AUTS2: variants seen among roughly 807,000 people sequenced by gnomAD.
AUTS2 encodes activator of transcription and developmental regulator AUTS2.
AUTS2 carries 17 observed loss-of-function variants against 112.4 expected under a neutral mutation model. That is an observed-to-expected ratio of 0.15 (90% CI 0.10 to 0.23). The LOEUF (loss-of-function observed/expected upper bound fraction) is 0.23, where lower values mean the gene tolerates loss of function less well. Among genes scored for constraint, AUTS2 ranks in the 10% least tolerant of loss-of-function variants. AUTS2 has a pLI of 1.00. For synonymous variants in AUTS2, 751 were observed against 702.7 expected (o/e 1.07, Z -1.09); for missense variants, 1,510 against 1,701.6 (o/e 0.89, Z 1.98).
At chr7:70,113,129 A>C (rs188601285) in intron 2 of AUTS2, among the ~76,000 whole-genome samples, 196 of 152,308 alleles carry the variant, frequency 1.3e-3, no homozygotes, top group Admixed American at 3.7e-3. Flanking sequence ...CCTTGTGTCC[A>C]AAATTTGTTA....
chr7:69,710,119 A>G (rs1365861694), intron 1 of AUTS2, among the ~76,000 whole-genome samples: 2 of 152,198 alleles, frequency 1.3e-5, no homozygotes, highest in Non-Finnish European at 2.9e-5. Context: ...AAACAAAGCA[A>G]AATCAAATTA....
At chr7:69,984,406 CAAAAAAAA>C (rs34689325) in intron 2 of AUTS2, among the ~76,000 whole-genome samples, 1 of 80,612 alleles carries the variant, frequency 1.2e-5, no homozygotes, top group African/African-American at 4.8e-5. Context: ...GACTCTGTCT[CAAAAAAAA>C]AAAAAAAAAA....
chr7:69,815,223 G>A (rs765470807), intron 1 of AUTS2, among the ~76,000 whole-genome samples: 2 of 152,116 alleles, frequency 1.3e-5, no homozygotes, highest in Non-Finnish European at 2.9e-5. Context: ...AAGGGAATGG[G>A]TGTATTTCCC....
At chr7:70,153,222 A>G (rs1807542917) in intron 4 of AUTS2, among the ~76,000 whole-genome samples, 3 of 152,204 alleles carry the variant, frequency 2.0e-5, no homozygotes, top group Non-Finnish European at 4.4e-5. Context: ...ATACAACAGA[A>G]TACTACTTAG....
intron 5 of AUTS2, among the ~76,000 whole-genome samples, chr7:70,661,420 G>A (rs753935257): frequency 6.6e-6 from 1 of 152,156 alleles, no homozygotes; most frequent in Admixed American, 6.5e-5. Context: ...GTGAATAGTC[G>A]CTCCCTGTGG....
chr7:70,560,810 A>G (rs1368981449), intron 5 of AUTS2, among the ~76,000 whole-genome samples: 1 of 152,208 alleles, frequency 6.6e-6, no homozygotes, highest in Non-Finnish European at 1.5e-5. Flanking sequence ...TGAGGACTGA[A>G]ACAACGTGTA....
At chr7:70,530,898 T>C (rs1032031388) in intron 5 of AUTS2, among the ~76,000 whole-genome samples, 4 of 152,112 alleles carry the variant, frequency 2.6e-5, no homozygotes, top group African/African-American at 9.7e-5. Context: ...TTGTTCTTAT[T>C]ATCGTTGGGA....
intron 4 of AUTS2, among the ~76,000 whole-genome samples, chr7:70,161,080 ATC>A (rs1284241127): frequency 6.6e-6 from 1 of 152,082 alleles, no homozygotes; most frequent in Non-Finnish European, 1.5e-5. Flanking sequence ...CTTTAAATCT[ATC>A]TCTCTCTCTC....
intron 2 of AUTS2, among the ~76,000 whole-genome samples, chr7:69,954,364 C>T (rs1045141703): frequency 6.6e-6 from 1 of 152,158 alleles, no homozygotes; most frequent in East Asian, 1.9e-4. Flanking sequence ...TCACTGCAAC[C>T]TCAAACTCCT....
intron 2 of AUTS2, among the ~76,000 whole-genome samples, chr7:69,972,563 TC>T (rs1366046507): frequency 6.6e-6 from 1 of 152,126 alleles, no homozygotes; most frequent in Non-Finnish European, 1.5e-5. Flanking sequence ...TTTCCTTTTT[TC>T]CTAAAAGCTT....
At chr7:70,044,901 C>T (rs920649783) in intron 2 of AUTS2, among the ~76,000 whole-genome samples, 6 of 151,122 alleles carry the variant, frequency 4.0e-5, no homozygotes, top group African/African-American at 9.7e-5. Flanking sequence ...TTGACTTAAC[C>T]GGAGCATGTT....
At position 70,777,217 on chromosome 7, in the gene AUTS2, T is replaced by C. The variant is rs760234466; in HGVS notation, c.2004+43T>C. 9 of 1,553,062 alleles carry C rather than the reference T, an allele frequency of 5.8e-6. No homozygotes were observed. In the African/African-American group the frequency reaches 9.5e-5, roughly 16 times the overall value. On this transcript the variant is annotated intron_variant, in intron 14 of 18. Transcript: ENST00000342771. ...GGTGTAGGGAAGAATGGGATGCACA[T>C]GTGAGTGTGTGACGTGCTCGGGAGA...
intron 2 of AUTS2, among the ~76,000 whole-genome samples, chr7:69,914,297 T>A (rs1028415554): frequency 2.0e-5 from 3 of 150,214 alleles, no homozygotes; most frequent in Admixed American, 6.7e-5. Flanking sequence ...TCCTGTTACA[T>A]TCCAACTTTA....
chr7:69,639,260 A>G (rs1794694525), intron 1 of AUTS2, among the ~76,000 whole-genome samples: 1 of 152,194 alleles, frequency 6.6e-6, no homozygotes, highest in Non-Finnish European at 1.5e-5. Context: ...TATCTATTTT[A>G]TGTCCTGTAA....
At chr7:70,472,850 A>G (rs912810501) in intron 5 of AUTS2, among the ~76,000 whole-genome samples, 2 of 152,238 alleles carry the variant, frequency 1.3e-5, no homozygotes, top group East Asian at 1.9e-4. Flanking sequence ...AAGTTTAACC[A>G]CTCCAGTTGA....
intron 4 of AUTS2, among the ~76,000 whole-genome samples, chr7:70,376,294 C>A (rs1793079544): frequency 6.6e-6 from 1 of 152,176 alleles, no homozygotes; most frequent in African/African-American, 2.4e-5. Flanking sequence ...TTTGGATTGG[C>A]AAATTTCTTT....
At chr7:69,602,545 C>T (rs1792494565) in intron 1 of AUTS2, among the ~76,000 whole-genome samples, 1 of 152,136 alleles carries the variant, frequency 6.6e-6, no homozygotes, top group Non-Finnish European at 1.5e-5. Context: ...TCATCTATTT[C>T]CTCTCCCACA....
chr7:70,048,544 A>G (rs571156816), intron 2 of AUTS2, among the ~76,000 whole-genome samples: 1 of 152,250 alleles, frequency 6.6e-6, no homozygotes, highest in African/African-American at 2.4e-5. Context: ...TACATCCCCA[A>G]CCTCAAAATG....
chr7:70,783,947 C>A (rs1791263376), intron 15 of AUTS2: 1 of 152,218 alleles, frequency 6.6e-6, no homozygotes, highest in Admixed American at 6.5e-5. Context: ...TCCTTCCTTC[C>A]TTCCTTTCCT....
Sources: allele counts gnomAD v4.1 joint callset (sites outside exome capture counted in the v4.1 genomes callset), GRCh38; gene constraint gnomAD v4.1.1; transcripts MANE v1.5; gene names NCBI Gene and HGNC (gene_info 2026-07-23, HGNC 2026-07-21).